TRMO: variants seen among roughly 807,000 people sequenced by gnomAD.
The protein encoded by TRMO is tRNA (adenine(37)-N6)-methyltransferase.
A neutral mutation model predicts 37.2 loss-of-function variants in TRMO; 30 were observed. That is an observed-to-expected ratio of 0.81 (90% CI 0.60 to 1.09). The LOEUF (loss-of-function observed/expected upper bound fraction) is 1.09. Ranked by LOEUF, TRMO falls within the 50% of genes least tolerant of loss-of-function variation. TRMO has a pLI of 0.00. For synonymous variants in TRMO, 239 were observed against 199.4 expected, an observed-to-expected ratio of 1.20 and a Z score of -1.67; for missense variants, 552 against 549.5, an observed-to-expected ratio of 1.00 and a Z score of -0.05.
intron 1 of TRMO, among the ~76,000 whole-genome samples, chr9:97,916,650 A>G (rs1331869853): frequency 6.6e-6 from 1 of 151,712 alleles, no homozygotes; most frequent in Non-Finnish European, 1.5e-5. Flanking sequence ...TTAAAATTCT[A>G]TGCTACCAAT....
At chr9:97,910,673 C>A in intron 3 of TRMO, 57 bp from the exon 4 acceptor site, 1 of 1,574,192 alleles carries the variant, frequency 6.4e-7, no homozygotes, top group South Asian at 1.2e-5. Context: ...AGAATACAGT[C>A]ACGCCCCAGA....
At chr9:97,905,368 G>A (rs1825814012) in intron 4 of TRMO, among the ~76,000 whole-genome samples, 1 of 152,092 alleles carries the variant, frequency 6.6e-6, no homozygotes, top group Non-Finnish European at 1.5e-5. Context: ...CAGAGACAAG[G>A]AAATGCATGA....
downstream of TRMO, among the ~76,000 whole-genome samples, chr9:97,900,395 C>T (rs1364476576): frequency 6.6e-6 from 1 of 152,230 alleles, no homozygotes; most frequent in East Asian, 1.9e-4. Context: ...TTCGTATTTC[C>T]CATCTTGCTT....
At chr9:97,912,118 A>G (rs1386935177) in intron 3 of TRMO, 1 of 152,236 alleles carries the variant, frequency 6.6e-6, no homozygotes, top group Non-Finnish European at 1.5e-5. Context: ...CACCTATGAG[A>G]TGAGGATTGC....
At chr9:97,918,328 T>G (rs894502834) in intron 1 of TRMO, among the ~76,000 whole-genome samples, 8 of 151,078 alleles carry the variant, frequency 5.3e-5, no homozygotes, top group Admixed American at 1.3e-4. Context: ...GAGGCAGAGG[T>G]TGCAGTGAGC....
intron 1 of TRMO, among the ~76,000 whole-genome samples, chr9:97,921,172 C>G (rs1783923025): frequency 6.6e-6 from 1 of 152,236 alleles, no homozygotes; most frequent in African/African-American, 2.4e-5. Flanking sequence ...AACATTTCGG[C>G]TTCAAGAGCT....
At chr9:97,897,349 T>C in the TRMO span, among the ~76,000 whole-genome samples, 2 of 152,232 alleles carry the variant, frequency 1.3e-5, no homozygotes, top group Non-Finnish European at 2.9e-5. Flanking sequence ...GGTTTTTCTG[T>C]AAAGGGCCAG....
downstream of TRMO, chr9:97,904,486 G>A: frequency 7.8e-7 from 1 of 1,289,280 alleles, no homozygotes; most frequent in South Asian, 2.2e-5. Flanking sequence ...TATCGAGACA[G>A]CATCACCTTT....
At chr9:97,919,278 CTTCTT>C (rs1251779209) in intron 1 of TRMO, among the ~76,000 whole-genome samples, 4 of 151,718 alleles carry the variant, frequency 2.6e-5, no homozygotes, top group Non-Finnish European at 4.4e-5. Flanking sequence ...ATCCCTGTGT[CTTCTT>C]TTCATTTGTT....
chr9:97,913,457 C>A lies in TRMO; in HGVS notation c.353G>T (p.Ser118Ile), dbSNP rs1176587931. ...TCCTATTGCATTGGGACGATGAGGG[C>A]TCCTTGTGGAAAAAACTCCAGTCTT... ...GAKTGVFSTRSPHRPNAIGLT... is the reference protein window; with the variant it reads ...GAKTGVFSTRIPHRPNAIGLT... The change falls in exon 3 of 5, where the codon AGC becomes ATC. Residue 118 changes from serine (S) to isoleucine (I), a missense_variant. Ser to Ile is a moderately radical substitution (Grantham distance 142, BLOSUM62 -2). Coordinates refer to ENST00000375119, the MANE Select transcript of TRMO (RefSeq NM_016481.5). The A allele has an allele frequency of 6.2e-7, 1 of 1,613,994 alleles. No individual in the cohort carries two copies. The highest frequency in any genetic ancestry group is 1.1e-5 in the South Asian group (1 of 91,084).
chr9:97,912,826 G>T (rs1318732809), intron 3 of TRMO: 15 of 804,504 alleles, frequency 1.9e-5, no homozygotes, highest in African/African-American at 1.8e-5. Context: ...TGCGTAACTA[G>T]GTTATATACG....
At position 97,919,377 on chromosome 9, in the gene TRMO, G is replaced by GAAAGA. The variant is rs781341303; in HGVS notation, c.76+3036_76+3040dup. Among the ~76,000 whole-genome samples the GAAAGA allele has an allele frequency of 4.4e-5, 6 of 136,496 alleles. No individual in the cohort carries two copies. In the South Asian group the frequency reaches 7.2e-4, roughly 16 times the overall value. The allele number at this position is 136,496 out of a possible 152,430, so 89.5% of individuals were successfully genotyped here. A position where few individuals can be genotyped will look rare whatever the true frequency, so the allele number is the denominator to read the frequency against. ...ACAAAGAGAAGAAAAAAAAAAGAAA[G>GAAAGA]AAAGAAAAGAAAAGAAAAGAGAAAA... On this transcript the variant is annotated intron_variant, in intron 1 of 4. Transcript: ENST00000375119.
At chr9:97,916,109 T>C in intron 2 of TRMO, 55 bp downstream of exon 2, 1 of 1,396,538 alleles carries the variant, frequency 7.2e-7, no homozygotes, top group Non-Finnish European at 9.8e-7. Context: ...TAGAGTACTT[T>C]ATTCGGGGGC....
chr9:97,898,772 C>T, the TRMO span, among the ~76,000 whole-genome samples: 3 of 149,586 alleles, frequency 2.0e-5, no homozygotes, highest in Admixed American at 6.7e-5. Flanking sequence ...TTCTCCATCA[C>T]GGAGGTAGGG....
intron 3 of TRMO, chr9:97,912,833 T>C: frequency 1.1e-6 from 1 of 896,312 alleles, no homozygotes; most frequent in Middle Eastern, 2.6e-4. Flanking sequence ...CTAGGTTATA[T>C]ACGAACACAC....
chr9:97,904,972 T>G lies in TRMO; in HGVS notation c.1087A>C (p.Lys363Gln). The G allele has an allele frequency of 6.2e-7, 1 of 1,613,702 alleles. No homozygotes were observed. The highest frequency in any genetic ancestry group is 1.1e-5 in the South Asian group (1 of 91,076). ...GCTTCCTCTGCTGACTGAAAATATTTAAATGACGCCTGACCAACATCTGCA... is the reference window on the plus strand; with the variant it reads ...GCTTCCTCTGCTGACTGAAAATATTGAAATGACGCCTGACCAACATCTGCA... ...SSQDVGQASF[K>Q]YFQSAEEAKR... The change falls in exon 5 of 5, where the codon AAA becomes CAA. Residue 363 changes from lysine (K) to glutamine (Q), a missense_variant. Transcript: ENST00000375119.
intron 4 of TRMO, among the ~76,000 whole-genome samples, chr9:97,909,634 C>T (rs917447814): frequency 6.6e-6 from 1 of 152,146 alleles, no homozygotes; most frequent in Non-Finnish European, 1.5e-5. Flanking sequence ...AGAACAAGCA[C>T]AATTTAGCTT....
Position 97,919,126 on chromosome 9 carries a change from C to T in TRMO, c.77-2788G>A, listed in dbSNP as rs545056781. Among the ~76,000 whole-genome samples the T allele has an allele frequency of 2.2e-3, 340 of 151,534 alleles. 2 individuals are homozygous for T. Among genetic ancestry groups the T allele is most frequent in the Admixed American group, 3.7e-3 (57 of 15,256 alleles). ...CATTGTTTTTAGTTTTTTGTTTTTTCTTTTTAATCCTCATCCATGCTTCTA... is the reference window on the plus strand; with the variant it reads ...CATTGTTTTTAGTTTTTTGTTTTTTTTTTTTAATCCTCATCCATGCTTCTA... On this transcript the variant is annotated intron_variant, in intron 1 of 4. Transcript: ENST00000375119.
At chr9:97,896,890 A>T in the TRMO span, among the ~76,000 whole-genome samples, 1 of 152,210 alleles carries the variant, frequency 6.6e-6, no homozygotes, top group East Asian at 1.9e-4. Context: ...CTCATGTTCC[A>T]CATATAAAAA....
Sources: gnomAD v4.1 joint callset for allele counts (sites outside exome capture counted in the v4.1 genomes callset) on GRCh38, gnomAD v4.1.1 for gene constraint, MANE v1.5 for transcripts, NCBI Gene and HGNC (gene_info 2026-07-23, HGNC 2026-07-21) for gene names.